Variants in AGBL4 observed in about 807,000 individuals in gnomAD.
AGBL4 encodes the protein cytosolic carboxypeptidase 6.
In AGBL4, 58 loss-of-function variants were observed where a neutral mutation model predicts 66.4. That is an observed-to-expected ratio of 0.87 (90% CI 0.71 to 1.09). The LOEUF (loss-of-function observed/expected upper bound fraction) is 1.09. AGBL4 is among the 50% of genes least tolerant of loss of function. The pLI, the probability that AGBL4 is intolerant of heterozygous loss-of-function variation, is 0.00. For missense variants in AGBL4, 579 were observed against 631.0 expected (o/e 0.92, Z 0.88); for synonymous variants, 234 against 222.9 (o/e 1.05, Z -0.44).
chr1:49,878,419 C>T (rs1557540274), intron 1 of AGBL4, among the ~76,000 whole-genome samples: 1 of 150,968 alleles, frequency 6.6e-6, no homozygotes, highest in African/African-American at 2.5e-5. Flanking sequence ...CGTTATGTAC[C>T]CAGTAGTCAT....
At chr1:49,226,967 C>T (rs1649960516) in intron 4 of AGBL4, among the ~76,000 whole-genome samples, 1 of 152,128 alleles carries the variant, frequency 6.6e-6, no homozygotes, top group Admixed American at 6.6e-5. Context: ...GCTGTGTCCT[C>T]ACATGGAGAA....
chr1:50,009,516 C>G (rs1661371543), intron 1 of AGBL4, among the ~76,000 whole-genome samples: 1 of 150,666 alleles, frequency 6.6e-6, no homozygotes. Context: ...GGGAATATAT[C>G]TCAACACAAT....
intron 2 of AGBL4, among the ~76,000 whole-genome samples, chr1:49,702,872 A>C (rs1647126431): frequency 6.6e-6 from 1 of 152,148 alleles, no homozygotes; most frequent in Non-Finnish European, 1.5e-5. Flanking sequence ...GATGCATAAA[A>C]AAAATCTGAC....
chr1:49,147,207 G>A (rs1326899540), intron 4 of AGBL4, among the ~76,000 whole-genome samples: 1 of 152,128 alleles, frequency 6.6e-6, no homozygotes, highest in African/African-American at 2.4e-5. Flanking sequence ...AGACTCTGGG[G>A]TAGGACACAA....
At chr1:48,605,741 A>T (rs1476696478) in intron 9 of AGBL4, among the ~76,000 whole-genome samples, 1 of 152,192 alleles carries the variant, frequency 6.6e-6, no homozygotes, top group East Asian at 1.9e-4. Context: ...CTAATGATGG[A>T]GAAGATATTA....
At chr1:49,485,389 T>C (rs1045665608) in intron 3 of AGBL4, among the ~76,000 whole-genome samples, 1 of 136,214 alleles carries the variant, frequency 7.3e-6, no homozygotes, top group Non-Finnish European at 1.5e-5. Context: ...TTCTCACTCA[T>C]AGGTGGGAAT....
At chr1:49,460,908 G>A (rs1354943340) in intron 3 of AGBL4, among the ~76,000 whole-genome samples, 1 of 151,554 alleles carries the variant, frequency 6.6e-6, no homozygotes, top group Admixed American at 6.6e-5. Context: ...TTTGTTTTAG[G>A]AGGCTAAAAA....
chr1:49,655,387 G>A (rs757377805), intron 3 of AGBL4, among the ~76,000 whole-genome samples: 1 of 152,020 alleles, frequency 6.6e-6, no homozygotes, highest in Non-Finnish European at 1.5e-5. Context: ...CTTCATTTCA[G>A]CTTTGGTGAA....
intron 5 of AGBL4, among the ~76,000 whole-genome samples, chr1:48,944,538 A>G (rs548514170): frequency 6.6e-6 from 1 of 152,248 alleles, no homozygotes; most frequent in South Asian, 2.1e-4. Context: ...CAGAAAGGCT[A>G]TGAAAGCATT....
At chr1:49,431,415 G>A (rs1343970010) in intron 3 of AGBL4, among the ~76,000 whole-genome samples, 1 of 152,102 alleles carries the variant, frequency 6.6e-6, no homozygotes, top group Non-Finnish European at 1.5e-5. Flanking sequence ...TTATAATCTA[G>A]ATGTGTCACA....
intron 1 of AGBL4, among the ~76,000 whole-genome samples, chr1:49,943,896 G>A (rs916647482): frequency 1.3e-5 from 2 of 151,976 alleles, no homozygotes; most frequent in African/African-American, 4.8e-5. Flanking sequence ...GCAAGTTCTC[G>A]GCTGTGCTCA....
intron 3 of AGBL4, among the ~76,000 whole-genome samples, chr1:49,564,661 G>T (rs1382247973): frequency 6.6e-6 from 1 of 152,102 alleles, no homozygotes; most frequent in African/African-American, 2.4e-5. Context: ...ATTGCACTGT[G>T]GTCTGAGAGA....
At chr1:49,753,380 A>T (rs1331225376) in intron 2 of AGBL4, among the ~76,000 whole-genome samples, 1 of 152,130 alleles carries the variant, frequency 6.6e-6, no homozygotes, top group Non-Finnish European at 1.5e-5. Context: ...TTTCTTTGAG[A>T]ATGTTGAATA....
At chr1:49,995,373 G>A (rs1165943079) in intron 1 of AGBL4, 9 of 437,260 alleles carry the variant, frequency 2.1e-5, no homozygotes, top group Non-Finnish European at 3.2e-5. Context: ...CTGTCACTGC[G>A]GCCTTTCCCA....
At chr1:49,144,792 A>T (rs780570548) in intron 4 of AGBL4, among the ~76,000 whole-genome samples, 1 of 152,202 alleles carries the variant, frequency 6.6e-6, no homozygotes, top group Non-Finnish European at 1.5e-5. Flanking sequence ...AGAGAGGAAG[A>T]CACGTAGTTA....
chr1:49,067,462 A>C (rs1644511970), intron 4 of AGBL4, among the ~76,000 whole-genome samples: 1 of 152,110 alleles, frequency 6.6e-6, no homozygotes, highest in Admixed American at 6.6e-5. Context: ...GCCCACTGGC[A>C]TTCTTTCTGT....
chr1:49,809,060 A>G (rs1330762077), intron 2 of AGBL4, among the ~76,000 whole-genome samples: 1 of 152,206 alleles, frequency 6.6e-6, no homozygotes, highest in African/African-American at 2.4e-5. Context: ...ATATGGAGTT[A>G]TGTGCTACCA....
rs537310978 is a variant in AGBL4, at chr1:49,968,799, T to C, written c.34+54964A>G. Among the ~76,000 whole-genome samples, 8 of 152,346 alleles carry C rather than the reference T, an allele frequency of 5.3e-5. No homozygotes were observed. The South Asian group carries it at 1.0e-3, about 20-fold the overall frequency. ...CTAGAGCTCCAAAAGCCATCTTCGA[T>C]GGCATGAAGGCCAGCATAGCAGAGT... On this transcript the variant is annotated intron_variant, in intron 1 of 13. Coordinates refer to ENST00000371839, the MANE Select transcript of AGBL4 (RefSeq NM_032785.4).
chr1:49,504,082 G>A (rs966703653), intron 3 of AGBL4, among the ~76,000 whole-genome samples: 2 of 152,114 alleles, frequency 1.3e-5, no homozygotes, highest in Non-Finnish European at 2.9e-5. Context: ...ACAAGGTGGA[G>A]ATAATTGAAT....
Sources: allele counts gnomAD v4.1 joint callset (sites outside exome capture counted in the v4.1 genomes callset), GRCh38; gene constraint gnomAD v4.1.1; transcripts MANE v1.5; gene names NCBI Gene and HGNC (gene_info 2026-07-23, HGNC 2026-07-21).